Variants in CTNNA3 observed in about 807,000 individuals in gnomAD.
CTNNA3 encodes the protein catenin alpha 3.
A neutral mutation model predicts 95.7 loss-of-function variants in CTNNA3; 76 were observed. That is an observed-to-expected ratio of 0.79 (90% CI 0.66 to 0.96). The LOEUF (loss-of-function observed/expected upper bound fraction) is 0.96, where lower values mean the gene tolerates loss of function less well. Among genes scored for constraint, CTNNA3 ranks in the 40% least tolerant of loss-of-function variants. The pLI is 0.00. For missense variants in CTNNA3, 1,191 were observed against 1,089.8 expected, an observed-to-expected ratio of 1.09 and a Z score of -1.31; for synonymous variants, 431 against 374.4, an observed-to-expected ratio of 1.15 and a Z score of -1.74.
chr10:66,906,197 A>T (rs756340870), intron 7 of CTNNA3, among the ~76,000 whole-genome samples: 11 of 152,170 alleles, frequency 7.2e-5, no homozygotes, highest in Non-Finnish European at 1.5e-4. Context: ...TCTAAGGATC[A>T]ATCTTAACAC....
chr10:67,031,426 C>T (rs527810820), intron 7 of CTNNA3, among the ~76,000 whole-genome samples: 3 of 152,280 alleles, frequency 2.0e-5, no homozygotes, highest in East Asian at 1.9e-4. Flanking sequence ...TTCTACTATA[C>T]ATTGTGCTTA....
At chr10:66,349,683 C>A (rs984755762) in intron 12 of CTNNA3, among the ~76,000 whole-genome samples, 1 of 151,940 alleles carries the variant, frequency 6.6e-6, no homozygotes, top group Non-Finnish European at 1.5e-5. Flanking sequence ...GAGAAAAATA[C>A]CCAAAGAGAT....
At chr10:66,791,608 C>T (rs568408480) in intron 7 of CTNNA3, among the ~76,000 whole-genome samples, 2 of 152,122 alleles carry the variant, frequency 1.3e-5, no homozygotes, top group African/African-American at 4.8e-5. Context: ...TGCATCTCTC[C>T]CCCAATAGAT....
Position 66,570,720 on chromosome 10 carries a change from C to T in CTNNA3, c.1375-49947G>A, listed in dbSNP as rs567910611. 1.3e-3 allele frequency among the ~76,000 whole-genome samples: 190 copies of T among 151,958 alleles called. 1 individual carries two copies. The highest frequency in any genetic ancestry group is 4.3e-3 in the African/African-American group (179 of 41,452). ...AAAAAAAATTAAAAAATAAAGACATCCCACTTGAATTCTAGACAAAATTTT... is the reference window on the plus strand; with the variant it reads ...AAAAAAAATTAAAAAATAAAGACATTCCACTTGAATTCTAGACAAAATTTT... On this transcript the variant is annotated intron_variant, in intron 10 of 17. Coordinates refer to ENST00000433211, the MANE Select transcript of CTNNA3 (RefSeq NM_013266.4).
At chr10:67,211,057 C>T (rs1864119989) in intron 6 of CTNNA3, among the ~76,000 whole-genome samples, 1 of 152,122 alleles carries the variant, frequency 6.6e-6, no homozygotes, top group Admixed American at 6.6e-5. Context: ...ATTCTTATCT[C>T]CTGAATATGC....
chr10:66,499,795 A>G (rs558426426), intron 11 of CTNNA3, among the ~76,000 whole-genome samples: 41 of 145,970 alleles, frequency 2.8e-4, no homozygotes, highest in African/African-American at 1.0e-3. Context: ...ACACATTAAC[A>G]GTTGCATTTC....
At chr10:65,944,715 G>T (rs960657854) in intron 17 of CTNNA3, among the ~76,000 whole-genome samples, 1 of 152,162 alleles carries the variant, frequency 6.6e-6, no homozygotes, top group Non-Finnish European at 1.5e-5. Context: ...TATTGACTCA[G>T]CAAGAGCTCA....
chr10:66,830,494 A>T (rs1046642848), intron 7 of CTNNA3, among the ~76,000 whole-genome samples: 1 of 152,204 alleles, frequency 6.6e-6, no homozygotes, highest in African/African-American at 2.4e-5. Flanking sequence ...TGGGGTTTAA[A>T]TTCAGAGCTC....
At position 66,405,415 on chromosome 10, in the gene CTNNA3, C is replaced by T. The variant is rs113058427; in HGVS notation, c.1532-26063G>A. Among the ~76,000 whole-genome samples the T allele has an allele frequency of 3.4e-3, 515 of 152,138 alleles. 1 individual carries two copies. The highest frequency in any genetic ancestry group is 0.012 in the African/African-American group (490 of 41,512). On this transcript the variant is annotated intron_variant, in intron 11 of 17. Coordinates refer to ENST00000433211, the MANE Select transcript of CTNNA3 (RefSeq NM_013266.4). ...AATAAATTATTTAAGAAAAATATGT[C>T]GAATAGAGTGCTAAATGATTGTAGT...
intron 5 of CTNNA3, among the ~76,000 whole-genome samples, chr10:67,438,062 G>A (rs1336634485): frequency 1.3e-5 from 2 of 152,068 alleles, no homozygotes; most frequent in Non-Finnish European, 2.9e-5. Flanking sequence ...GCATTTGAAA[G>A]AGCAACAAAT....
intron 7 of CTNNA3, among the ~76,000 whole-genome samples, chr10:66,965,433 G>T (rs1016489965): frequency 6.6e-6 from 1 of 151,906 alleles, no homozygotes; most frequent in South Asian, 2.1e-4. Flanking sequence ...TACTCAGGAG[G>T]CTGAGGCAGG....
intron 2 of CTNNA3, among the ~76,000 whole-genome samples, chr10:67,633,323 A>G (rs1839205710): frequency 6.6e-6 from 1 of 152,178 alleles, no homozygotes; most frequent in South Asian, 2.1e-4. Context: ...TTTGGAGAAT[A>G]CAAACGGTCC....
intron 7 of CTNNA3, among the ~76,000 whole-genome samples, chr10:66,860,072 T>C (rs1589345221): frequency 7.1e-6 from 1 of 141,678 alleles, no homozygotes; most frequent in Non-Finnish European, 1.5e-5. Context: ...TGCTAAATGA[T>C]GAGTTAATGG....
At chr10:66,500,239 T>C (rs1840236849) in intron 11 of CTNNA3, among the ~76,000 whole-genome samples, 2 of 152,140 alleles carry the variant, frequency 1.3e-5, no homozygotes, top group Non-Finnish European at 2.9e-5. Flanking sequence ...ACTAGCAAAT[T>C]ATAAATTTAT....
intron 11 of CTNNA3, among the ~76,000 whole-genome samples, chr10:66,398,455 A>C (rs1472888585): frequency 6.6e-6 from 1 of 151,924 alleles, no homozygotes; most frequent in Non-Finnish European, 1.5e-5. Flanking sequence ...TGTATTTAGA[A>C]GAAATTCTTG....
At chr10:66,398,991 G>T (rs543411147) in intron 11 of CTNNA3, among the ~76,000 whole-genome samples, 25 of 151,932 alleles carry the variant, frequency 1.6e-4, no homozygotes, top group Admixed American at 3.9e-4. Context: ...TTGCCTCTTT[G>T]ATTTTATTTC....
chr10:67,651,331 C>G (rs2133493080), intron 1 of CTNNA3, among the ~76,000 whole-genome samples: 1 of 152,214 alleles, frequency 6.6e-6, no homozygotes. Flanking sequence ...CATCTTTAAA[C>G]AAATGATTTT....
chr10:66,131,324 T>C (rs903765962), intron 13 of CTNNA3, among the ~76,000 whole-genome samples: 2 of 152,064 alleles, frequency 1.3e-5, no homozygotes, highest in Non-Finnish European at 2.9e-5. Flanking sequence ...CTCAACAAAA[T>C]ACCAGCAAAA....
At chr10:65,932,392 C>T (rs986949977) in intron 17 of CTNNA3, among the ~76,000 whole-genome samples, 5 of 152,096 alleles carry the variant, frequency 3.3e-5, no homozygotes, top group African/African-American at 1.2e-4. Context: ...AATAATGGCT[C>T]CCATTTTGTA....
Sources: allele counts gnomAD v4.1 joint callset (sites outside exome capture counted in the v4.1 genomes callset), GRCh38; gene constraint gnomAD v4.1.1; transcripts MANE v1.5; gene names NCBI Gene and HGNC (gene_info 2026-07-23, HGNC 2026-07-21).